The following COP1 variants were observed in gnomAD, a reference collection of about 807,000 sequenced individuals.
The protein encoded by COP1 is E3 ubiquitin-protein ligase COP1.
COP1 carries 24 observed loss-of-function variants against 101.3 expected under a neutral mutation model. That is an observed-to-expected ratio of 0.24 (90% confidence interval 0.17 to 0.33). The LOEUF is 0.33. Among genes scored for constraint, COP1 ranks in the 10% least tolerant of loss-of-function variants. The pLI, the probability that COP1 is intolerant of heterozygous loss-of-function variation, is 1.00. For synonymous variants in COP1, 347 were observed against 341.9 expected, an observed-to-expected ratio of 1.01 and a Z score of -0.17; for missense variants, 663 against 906.2, an observed-to-expected ratio of 0.73 and a Z score of 3.45.
chr1:176,166,153 G>A lies in COP1; in HGVS notation c.566-2262C>T, dbSNP rs189095521. Among the ~76,000 whole-genome samples the A allele has an allele frequency of 1.3e-4, 20 of 151,994 alleles. 1 individual carries two copies. Among genetic ancestry groups the A allele is most frequent in the Admixed American group, 1.3e-3 (20 of 15,252 alleles). On this transcript the variant is annotated intron_variant, in intron 3 of 19. Transcript: ENST00000367669. Reference sequence around the variant, plus strand: ...TTATTTATTTATTTATTGAGACAGGGTGTGACTCTGTCACGCAGGATGGAG... The same window carrying A: ...TTATTTATTTATTTATTGAGACAGGATGTGACTCTGTCACGCAGGATGGAG...
At chr1:175,949,950 G>A (rs1367703747) in intron 18 of COP1, among the ~76,000 whole-genome samples, 2 of 152,004 alleles carry the variant, frequency 1.3e-5, no homozygotes, top group Non-Finnish European at 2.9e-5. Context: ...GAAAATTGTA[G>A]TATATTATCT....
chr1:176,189,552 A>C (rs1698873460), intron 1 of COP1, among the ~76,000 whole-genome samples: 1 of 152,040 alleles, frequency 6.6e-6, no homozygotes, highest in Admixed American at 6.6e-5. Context: ...ATTTAAGAGA[A>C]TTTGCTGCCC....
intron 6 of COP1, among the ~76,000 whole-genome samples, chr1:176,139,614 T>G (rs1690358665): frequency 6.6e-6 from 1 of 152,140 alleles, no homozygotes; most frequent in South Asian, 2.1e-4. Flanking sequence ...AGAGACACCG[T>G]GGAATACTGT....
At chr1:176,078,784 T>C (rs547585535) in intron 11 of COP1, among the ~76,000 whole-genome samples, 1 of 149,156 alleles carries the variant, frequency 6.7e-6, no homozygotes, top group Non-Finnish European at 1.5e-5. Flanking sequence ...ACAAGAAACT[T>C]AAAAAAAAAT....
chr1:176,086,219 G>T (rs1364261281), intron 9 of COP1, among the ~76,000 whole-genome samples: 2 of 133,768 alleles, frequency 1.5e-5, no homozygotes, highest in Non-Finnish European at 3.1e-5. Context: ...AGAATTTTGG[G>T]AATCTTTCTT....
intron 15 of COP1, among the ~76,000 whole-genome samples, chr1:176,003,579 T>C (rs2148884715): frequency 1.3e-5 from 2 of 151,690 alleles, no homozygotes; most frequent in Middle Eastern, 3.4e-3. Context: ...GGCTAGCCAG[T>C]TTTCCCAGCA....
chr1:176,026,610 G>C (rs968501968), intron 15 of COP1, among the ~76,000 whole-genome samples: 2 of 152,064 alleles, frequency 1.3e-5, no homozygotes, highest in Admixed American at 6.6e-5. Context: ...CTACTTGTTA[G>C]TCCATGTCCT....
intron 8 of COP1, among the ~76,000 whole-genome samples, chr1:176,132,498 GGTAT>G (rs576612922): frequency 2.4e-4 from 36 of 149,856 alleles, no homozygotes; most frequent in South Asian, 8.4e-4. Context: ...CCAAGATGGG[GGTAT>G]GTATGTGTGT....
At chr1:176,151,417 G>C (rs924486584) in intron 5 of COP1, among the ~76,000 whole-genome samples, 3 of 142,722 alleles carry the variant, frequency 2.1e-5, no homozygotes, top group Non-Finnish European at 3.1e-5. Flanking sequence ...AAGAAAGAAA[G>C]AAACATATTT....
chr1:175,986,956 G>T lies in COP1; in HGVS notation c.2120C>A (p.Ala707Glu). ...ATGAAAACTTACCCCATCTGGTAGT[G>T]CCCTCCAGCACACAGCACTAACAAA... is the stretch of plus-strand genomic sequence containing the variant. ...NEFVSAVCWR[A>E]LPDGESNVLI... Residue 707 changes from alanine to glutamate, a missense_variant, in exon 18 of 20, where the codon GCA becomes GAA. Around this residue, in one of 4 missense-constraint regions of COP1, gnomAD observed 209 missense variants for 383.3 expected, o/e 0.55. Transcript: ENST00000367669. 2 of 1,595,680 alleles carry T rather than the reference G, an allele frequency of 1.3e-6. No individual in the cohort carries two copies. The highest frequency in any genetic ancestry group is 1.7e-6 in the Non-Finnish European group (2 of 1,174,232).
chr1:176,202,185 C>CTTT (rs11367274), intron 1 of COP1, among the ~76,000 whole-genome samples: 4 of 96,386 alleles, frequency 4.1e-5, no homozygotes, highest in South Asian at 3.4e-4. Flanking sequence ...TTCTAGTTCA[C>CTTT]TTTTTTTTTT....
At chr1:176,002,624 G>C (rs993194069) in intron 15 of COP1, among the ~76,000 whole-genome samples, 29 of 146,084 alleles carry the variant, frequency 2.0e-4, no homozygotes, top group African/African-American at 7.1e-4. Context: ...TTTTGTTCTT[G>C]TGATAGTTTA....
intron 19 of COP1, among the ~76,000 whole-genome samples, chr1:175,946,804 T>C (rs1232978343): frequency 6.6e-6 from 1 of 152,230 alleles, no homozygotes; most frequent in African/African-American, 2.4e-5. Context: ...TATGTTTAAA[T>C]CTGGTGATGT....
At position 176,187,643 on chromosome 1, in the gene COP1, AG is replaced by A. The variant is rs1698638777; in HGVS notation, c.408-2952del. Among the ~76,000 whole-genome samples the A allele has an allele frequency of 2.6e-5, 4 of 152,156 alleles. 1 individual carries two copies. The South Asian group carries it at 8.3e-4, about 32-fold the overall frequency. On this transcript the variant is annotated intron_variant, in intron 1 of 19. Coordinates refer to ENST00000367669, the MANE Select transcript of COP1 (RefSeq NM_022457.7). Reference sequence around the variant, plus strand: ...TGCCATCTACAGCTTTGTGACTTTGAGCAAGTAGTTTAATCTTTCTAATTGT... The same window carrying A: ...TGCCATCTACAGCTTTGTGACTTTGACAAGTAGTTTAATCTTTCTAATTGT...
intron 14 of COP1, among the ~76,000 whole-genome samples, chr1:176,033,199 A>G (rs1668924041): frequency 6.6e-6 from 1 of 152,052 alleles, no homozygotes; most frequent in Non-Finnish European, 1.5e-5. Context: ...ATCACTTAAG[A>G]TCAGGAGTTG....
At chr1:175,947,852 A>T (rs1489766210) in intron 18 of COP1, among the ~76,000 whole-genome samples, 2 of 152,218 alleles carry the variant, frequency 1.3e-5, no homozygotes, top group Non-Finnish European at 2.9e-5. Context: ...GACTGAAATA[A>T]AATGAAAAAA....
At chr1:176,184,183 A>G (rs1698152149) in intron 2 of COP1, among the ~76,000 whole-genome samples, 1 of 152,168 alleles carries the variant, frequency 6.6e-6, no homozygotes, top group South Asian at 2.1e-4. Flanking sequence ...ACCTGGCATG[A>G]TATAATGTAA....
At chr1:176,165,208 A>G (rs768371451) in intron 3 of COP1, among the ~76,000 whole-genome samples, 2 of 152,180 alleles carry the variant, frequency 1.3e-5, no homozygotes, top group African/African-American at 2.4e-5. Context: ...ATAGATTTAC[A>G]AAGTATACAC....
chr1:176,194,494 T>C (rs889939272), intron 1 of COP1, among the ~76,000 whole-genome samples: 1 of 151,884 alleles, frequency 6.6e-6, no homozygotes, highest in Non-Finnish European at 1.5e-5. Flanking sequence ...AAAAATTAGC[T>C]GGGCATGGTG....
Sources: gnomAD v4.1 joint callset for allele counts (sites outside exome capture counted in the v4.1 genomes callset) on GRCh38, gnomAD v4.1.1 for gene constraint, gnomAD v4.1.1 regional missense constraint, MANE v1.5 for transcripts, NCBI Gene and HGNC (gene_info 2026-07-23, HGNC 2026-07-21) for gene names.